The following CFAP91 variants were observed in gnomAD, a reference collection of about 807,000 sequenced individuals.
The protein encoded by CFAP91 is cilia and flagella associated protein 91.
CFAP91 carries 85 observed loss-of-function variants against 95.9 expected under a neutral mutation model. The observed-to-expected ratio is 0.89, with a 90% confidence interval of 0.74 to 1.06. The LOEUF is 1.06. Ranked by LOEUF, CFAP91 falls within the 50% of genes least tolerant of loss-of-function variation. The pLI is 0.00. For synonymous variants in CFAP91, 335 were observed against 327.5 expected (o/e 1.02, Z -0.25); for missense variants, 962 against 943.4 (o/e 1.02, Z -0.26).
At chr3:119,742,065 C>T (rs2054131707) in intron 13 of CFAP91, among the ~76,000 whole-genome samples, 1 of 151,920 alleles carries the variant, frequency 6.6e-6, no homozygotes, top group Non-Finnish European at 1.5e-5. Flanking sequence ...GAAAAAATGC[C>T]CTCCTTGGCC....
intron 6 of CFAP91, among the ~76,000 whole-genome samples, chr3:119,722,601 A>G (rs888442345): frequency 1.3e-5 from 2 of 152,098 alleles, no homozygotes; most frequent in Admixed American, 6.6e-5. Context: ...TGATCCTCTC[A>G]CCCCATCCTC....
chr3:119,763,961 CAAAG>C (rs1285166497), intron 17 of CFAP91, among the ~76,000 whole-genome samples: 1 of 151,934 alleles, frequency 6.6e-6, no homozygotes, highest in Non-Finnish European at 1.5e-5. Context: ...TTGAAAATAG[CAAAG>C]AGAGATTTTA....
chr3:119,756,124 T>C (rs898033258), intron 17 of CFAP91, among the ~76,000 whole-genome samples: 4 of 152,074 alleles, frequency 2.6e-5, no homozygotes, highest in Non-Finnish European at 4.4e-5. Flanking sequence ...AAGAAAACGA[T>C]ACCTAGATAC....
Position 119,744,167 on chromosome 3 carries a change from C to T in CFAP91, c.1873C>T (p.Leu625=), listed in dbSNP as rs906553434. ...SGRRQVEKQR[L]REEDEIFKEV... is the part of the protein sequence containing the mutation. ...TCGGCGCCAGGTGGAAAAACAGCGC[C>T]TGCGGGAGGAGGACGAGATATTTAA... The change falls in exon 14 of 18, where the codon CTG becomes TTG. Residue 625 remains leucine, a synonymous_variant. Coordinates refer to ENST00000273390, the MANE Select transcript of CFAP91 (RefSeq NM_033364.4). The T allele has an allele frequency of 6.2e-7, 1 of 1,613,534 alleles. No individual in the cohort carries two copies. The highest frequency in any genetic ancestry group is 8.5e-7 in the Non-Finnish European group (1 of 1,179,674).
rs1293645663 is a variant in CFAP91, at chr3:119,730,680, A to C, written c.1018+303A>C. ...GATAAGTGTTGGGTTCCCCATATTC[A>C]TGGTCCACAGCCCTGGATAAAGAGC... On this transcript the variant is annotated intron_variant, in intron 8 of 17. Transcript: ENST00000273390. Among the ~76,000 whole-genome samples, 4 of 150,266 alleles carry C rather than the reference A, an allele frequency of 2.7e-5. No homozygotes were observed. The South Asian group carries it at 8.5e-4, about 32-fold the overall frequency.
Position 119,707,077 on chromosome 3 carries a change from A to T in CFAP91, c.201+192A>T. 3 of 577,486 alleles carry T rather than the reference A, an allele frequency of 5.2e-6. No individual in the cohort carries two copies. The South Asian group carries it at 7.0e-5, about 13-fold the overall frequency. 35.8% of individuals were successfully genotyped at this position (577,486 alleles called of 1,614,324 possible). ...TCATTGTGAGGATTAAGTCACCAAT[A>T]ATGAACAGAGAACCCATAAGCTAAT... On this transcript the variant is annotated intron_variant, in intron 2 of 17. Coordinates refer to ENST00000273390, the MANE Select transcript of CFAP91 (RefSeq NM_033364.4).
intron 6 of CFAP91, among the ~76,000 whole-genome samples, chr3:119,724,941 G>A (rs1446726036): frequency 6.6e-6 from 1 of 151,874 alleles, no homozygotes; most frequent in Non-Finnish European, 1.5e-5. Flanking sequence ...ACAAGAGATA[G>A]TGAATTCATA....
At chr3:119,706,231 C>G (rs1412859622) in intron 1 of CFAP91, 2 of 152,362 alleles carry the variant, frequency 1.3e-5, no homozygotes, top group Admixed American at 1.3e-4. Context: ...AATAGCAGGG[C>G]AATATTTTGT....
intron 12 of CFAP91, among the ~76,000 whole-genome samples, chr3:119,739,556 G>A (rs914560459): frequency 7.9e-5 from 12 of 151,970 alleles, no homozygotes; most frequent in Admixed American, 3.3e-4. Context: ...GGACCTACCT[G>A]CTATTTGCCA....
chr3:119,764,649 C>G (rs2054597682), intron 17 of CFAP91, among the ~76,000 whole-genome samples: 1 of 151,966 alleles, frequency 6.6e-6, no homozygotes, highest in Non-Finnish European at 1.5e-5. Flanking sequence ...ATTATGCCTG[C>G]AGTATACAGA....
At position 119,739,237 on chromosome 3, in the gene CFAP91, C is replaced by T. The variant is rs975807700; in HGVS notation, c.1462-18C>T. The stretch of plus-strand genomic sequence containing the variant: ...ACTGCAGTTCTCAAGCTGCTTGGTT[C>T]TCCCTTTGTTCTTTTAGGAAGAAGA... On this transcript the variant is annotated intron_variant, in intron 11 of 17. Transcript: ENST00000273390. 1 of 1,610,680 alleles carries T rather than the reference C, an allele frequency of 6.2e-7. No individual in the cohort carries two copies. The highest frequency in any genetic ancestry group is 1.3e-5 in the African/African-American group (1 of 74,834).
intron 7 of CFAP91, 77 bp from the exon 8 acceptor site, chr3:119,730,143 C>T (rs2053866602): frequency 1.4e-6 from 2 of 1,421,646 alleles, no homozygotes; most frequent in Non-Finnish European, 9.6e-7. Flanking sequence ...CAGAGAAGAG[C>T]CTGTCTGTGG....
intron 5 of CFAP91, among the ~76,000 whole-genome samples, chr3:119,712,149 G>T (rs1033537354): frequency 6.6e-6 from 1 of 152,220 alleles, no homozygotes; most frequent in Non-Finnish European, 1.5e-5. Context: ...CCTGTTTGAG[G>T]TTGGGGAGGA....
At position 119,747,111 on chromosome 3, in the gene CFAP91, G is replaced by T. The variant is rs751036620; in HGVS notation, c.1903-4G>T. On this transcript the variant is annotated splice_region_variant and splice_polypyrimidine_tract_variant and intron_variant, in intron 14 of 17. Transcript: ENST00000273390. Reference sequence around the variant, plus strand: ...TTTAGTGAGGGTATTATTGTTTTTTGCAGGTGGTTAAAGTTCACCATAGTA... The same window carrying T: ...TTTAGTGAGGGTATTATTGTTTTTTTCAGGTGGTTAAAGTTCACCATAGTA... 11 of 1,548,420 alleles carry T rather than the reference G, an allele frequency of 7.1e-6. No homozygotes were observed. The Admixed American group carries it at 1.0e-4, about 14-fold the overall frequency.
chr3:119,744,327 A>G (rs2054182158), intron 14 of CFAP91, 131 bp downstream of exon 14: 1 of 666,732 alleles, frequency 1.5e-6, no homozygotes. Flanking sequence ...CAGGCACTCT[A>G]CAGAGGCACT....
chr3:119,744,545 C>T (rs565397119), intron 14 of CFAP91, among the ~76,000 whole-genome samples: 1 of 152,226 alleles, frequency 6.6e-6, no homozygotes, highest in East Asian at 1.9e-4. Flanking sequence ...ACAAGGCGGC[C>T]AGGAAGGAGC....
chr3:119,723,770 C>T (rs1370921354), intron 6 of CFAP91, among the ~76,000 whole-genome samples: 1 of 152,150 alleles, frequency 6.6e-6, no homozygotes, highest in Non-Finnish European at 1.5e-5. Flanking sequence ...CCTTTTAGCC[C>T]TTCAGTATCT....
chr3:119,738,503 C>T (rs1015269640), intron 11 of CFAP91, among the ~76,000 whole-genome samples: 2 of 151,394 alleles, frequency 1.3e-5, no homozygotes, highest in African/African-American at 4.8e-5. Flanking sequence ...CATGTGTCAC[C>T]ACACCCAGCT....
chr3:119,703,079 G>C lies in CFAP91; in HGVS notation c.-20G>C, dbSNP rs765907155. 6 of 1,550,862 alleles carry C rather than the reference G, an allele frequency of 3.9e-6. No individual in the cohort carries two copies. In the South Asian group the frequency reaches 7.1e-5, roughly 18 times the overall value. On this transcript the variant is annotated 5_prime_UTR_variant, in exon 1 of 18. Coordinates refer to ENST00000273390, the MANE Select transcript of CFAP91 (RefSeq NM_033364.4). ...CCTGACCCGCTGGTCCCTTGCTGGC[G>C]GGAGGAAAGAGGCGGCACCATGAGC...
Sources: gnomAD v4.1 joint callset for allele counts (sites outside exome capture counted in the v4.1 genomes callset) on GRCh38, gnomAD v4.1.1 for gene constraint, MANE v1.5 for transcripts, NCBI Gene and HGNC (gene_info 2026-07-23, HGNC 2026-07-21) for gene names.